Variants in DNAAF11 observed in about 807,000 individuals in gnomAD.
The protein encoded by DNAAF11 is leucine rich repeat containing 6.
A neutral mutation model predicts 60.8 loss-of-function variants in DNAAF11; 45 were observed. The observed-to-expected ratio is 0.74, with a 90% CI of 0.58 to 0.95. The LOEUF is 0.95. DNAAF11 is among the 40% of genes least tolerant of loss of function. The probability of loss-of-function intolerance (pLI) is 0.00; values close to 1 mark genes in which losing one functional copy is unlikely to be tolerated. For synonymous variants in DNAAF11, 191 were observed against 183.5 expected, an observed-to-expected ratio of 1.04 and a Z score of -0.33; for missense variants, 546 against 546.2, an observed-to-expected ratio of 1.00 and a Z score of 0.00.
At chr8:132,600,456 G>T (rs141508031) in intron 10 of DNAAF11, among the ~76,000 whole-genome samples, 2 of 152,076 alleles carry the variant, frequency 1.3e-5, no homozygotes, top group East Asian at 1.9e-4. Flanking sequence ...AAAAGGGCCC[G>T]CATTGCCAAG....
In DNAAF11 at chr8:132,582,500, G is replaced by T. The variant is rs112291695; in HGVS notation, c.1226+1194C>A. 3.3e-3 allele frequency among the ~76,000 whole-genome samples: 507 copies of T among 152,234 alleles called. 5 individuals carry two copies. Among genetic ancestry groups the T allele is most frequent in the African/African-American group, 0.012 (483 of 41,544 alleles). On this transcript the variant is annotated intron_variant, in intron 11 of 11. Coordinates refer to ENST00000620350, the MANE Select transcript of DNAAF11 (RefSeq NM_012472.6). ...CTCTTTCCATGTGTTGATGCTGCTG[G>T]GGGTTAATTATGACTGTGAATATTC...
intron 1 of DNAAF11, among the ~76,000 whole-genome samples, chr8:132,673,993 C>G (rs759214828): frequency 2.7e-5 from 4 of 149,608 alleles, no homozygotes; most frequent in Non-Finnish European, 5.9e-5. Flanking sequence ...CATAAAAAAG[C>G]GAAGAAGAAG....
chr8:132,583,824 G>T, intron 10 of DNAAF11, 45 bp from the exon 11 acceptor site: 1 of 1,242,050 alleles, frequency 8.1e-7, no homozygotes, highest in Non-Finnish European at 1.2e-6. Context: ...ATTACTCCTT[G>T]ATGTACCTTA....
chr8:132,615,093 C>A lies in DNAAF11; in HGVS notation c.919G>T (p.Asp307Tyr). The change falls in exon 8 of 12, where the codon GAC becomes TAC. Residue 307 changes from aspartate (D) to tyrosine (Y), a missense_variant. Coordinates refer to ENST00000620350, the MANE Select transcript of DNAAF11 (RefSeq NM_012472.6). ...TTTTCGTTATCTTTCAAAGAGAAGT[C>A]AATTCTAAGAATAACACATTTGGTG... is the stretch of plus-strand genomic sequence containing the variant. ...KALNVNEPKI[D>Y]FSLKDNEKQI... The A allele has an allele frequency of 6.2e-7, 1 of 1,602,358 alleles. No homozygotes were observed. The highest frequency in any genetic ancestry group is 8.5e-7 in the Non-Finnish European group (1 of 1,170,226).
chr8:132,696,819 G>C, the DNAAF11 span, among the ~76,000 whole-genome samples: 4 of 152,120 alleles, frequency 2.6e-5, no homozygotes, highest in East Asian at 1.9e-4. Flanking sequence ...TGTTCTCACT[G>C]ATAAGTGGGA....
chr8:132,655,883 G>A (rs189797818), intron 3 of DNAAF11, among the ~76,000 whole-genome samples: 289 of 152,162 alleles, frequency 1.9e-3, no homozygotes, highest in African/African-American at 6.9e-3. Context: ...TGTAGAAATC[G>A]GTACTCACAT....
chr8:132,687,522 A>G, the DNAAF11 span: 2 of 444,018 alleles, frequency 4.5e-6, no homozygotes, highest in African/African-American at 4.0e-5. Flanking sequence ...TCATCGCTTC[A>G]GACAGACAGC....
chr8:132,582,624 T>C (rs935837070), intron 11 of DNAAF11, among the ~76,000 whole-genome samples: 13 of 152,218 alleles, frequency 8.5e-5, no homozygotes, highest in African/African-American at 3.1e-4. Context: ...AACCCATTTT[T>C]CGGTAGGAAT....
At chr8:132,661,339 T>C in intron 2 of DNAAF11, 121 bp downstream of exon 2, 2 of 771,774 alleles carry the variant, frequency 2.6e-6, no homozygotes, top group East Asian at 5.4e-5. Context: ...GAGATGGCTG[T>C]GTCTGTTTTC....
chr8:132,601,655 A>G (rs1364767487), intron 10 of DNAAF11, among the ~76,000 whole-genome samples: 2 of 152,182 alleles, frequency 1.3e-5, no homozygotes, highest in African/African-American at 4.8e-5. Flanking sequence ...CATTATTCTC[A>G]GCAAACTATC....
At chr8:132,686,899 G>A in the DNAAF11 span, among the ~76,000 whole-genome samples, 3 of 152,260 alleles carry the variant, frequency 2.0e-5, no homozygotes, top group African/African-American at 7.2e-5. Context: ...CTCCTGTATT[G>A]CTACTATTAT....
chr8:132,619,633 A>T (rs566439239), intron 7 of DNAAF11, among the ~76,000 whole-genome samples: 1 of 152,354 alleles, frequency 6.6e-6, no homozygotes, highest in Admixed American at 6.5e-5. Flanking sequence ...ACTGGAGACC[A>T]AGTGCAGACA....
At chr8:132,612,978 C>T (rs1160758611) in intron 8 of DNAAF11, among the ~76,000 whole-genome samples, 4 of 152,152 alleles carry the variant, frequency 2.6e-5, no homozygotes, top group Non-Finnish European at 4.4e-5. Flanking sequence ...AAGGGTTATA[C>T]ATTCATTAAA....
intron 5 of DNAAF11, among the ~76,000 whole-genome samples, chr8:132,629,101 A>G (rs1820553744): frequency 6.6e-6 from 1 of 152,206 alleles, no homozygotes; most frequent in East Asian, 1.9e-4. Flanking sequence ...TAGAAATTCT[A>G]TTAATGTAAT....
chr8:132,594,199 T>C (rs530832044), intron 10 of DNAAF11, among the ~76,000 whole-genome samples: 136 of 152,302 alleles, frequency 8.9e-4, no homozygotes, highest in African/African-American at 3.1e-3. Context: ...TTTGTTGTAA[T>C]ATTTATTTAC....
chr8:132,673,999 A>G (rs1351893108), intron 1 of DNAAF11, among the ~76,000 whole-genome samples: 1 of 151,764 alleles, frequency 6.6e-6, no homozygotes, highest in Non-Finnish European at 1.5e-5. Flanking sequence ...AAAGCGAAGA[A>G]GAAGGAGAAG....
rs116250224 is a variant in DNAAF11 at position 132,672,964 on chromosome 8, C to A, written c.10+2520G>T. Among the ~76,000 whole-genome samples the A allele has an allele frequency of 5.1e-3, 779 of 152,198 alleles. 6 individuals carry two copies. Among genetic ancestry groups the A allele is most frequent in the African/African-American group, 0.018 (751 of 41,508 alleles). On this transcript the variant is annotated intron_variant, in intron 1 of 11. Transcript: ENST00000620350. ...AAAACCTGTACTAATGACATCCCTGCGTCTTTTTTTGGAAAATACAGGAAA... is the reference window on the plus strand; with the variant it reads ...AAAACCTGTACTAATGACATCCCTGAGTCTTTTTTTGGAAAATACAGGAAA...
chr8:132,674,611 G>C (rs1825595144), intron 1 of DNAAF11, among the ~76,000 whole-genome samples: 1 of 152,182 alleles, frequency 6.6e-6, no homozygotes, highest in African/African-American at 2.4e-5. Flanking sequence ...GTTTACTACC[G>C]GGCGCAGTGG....
At chr8:132,684,737 T>G in the DNAAF11 span, among the ~76,000 whole-genome samples, 1 of 152,248 alleles carries the variant, frequency 6.6e-6, no homozygotes, top group Non-Finnish European at 1.5e-5. Flanking sequence ...ACAAACCTAC[T>G]CAGATTTCCA....
Sources: gnomAD v4.1 joint callset for allele counts (sites outside exome capture counted in the v4.1 genomes callset) on GRCh38, gnomAD v4.1.1 for gene constraint, MANE v1.5 for transcripts, NCBI Gene and HGNC (gene_info 2026-07-23, HGNC 2026-07-21) for gene names.